ATP7A: variants seen among roughly 807,000 people sequenced by gnomAD.
The protein encoded by ATP7A is ATPase copper transporting alpha, also known as copper-transporting ATPase 1.
In ATP7A, 7 loss-of-function variants were observed where a neutral mutation model predicts 83.5. That is an observed-to-expected ratio of 0.08 (90% CI 0.05 to 0.16). The LOEUF is 0.16. Ranked by LOEUF, ATP7A falls within the 10% of genes least tolerant of loss-of-function variation. ATP7A has a pLI of 1.00. For missense variants in ATP7A, 940 were observed against 1,120.8 expected (o/e 0.84, Z 2.30); for synonymous variants, 354 against 395.2 (o/e 0.90, Z 1.24).
rs1201761024 is a variant in ATP7A, at chrX:78,049,765, A to C, written c.*3195A>C. 1 of 112,488 alleles carries C rather than the reference A, an allele frequency of 8.9e-6. No individual in the cohort carries two copies. The highest frequency in any genetic ancestry group is 1.9e-5 in the Non-Finnish European group (1 of 53,232). The allele number at this position is 112,488 out of a possible 1,213,427, so 9.3% of individuals were successfully genotyped here. A position where few individuals can be genotyped will look rare whatever the true frequency, so the allele number is the denominator to read the frequency against. ...GATGTTTCCAAAACTTTAAGTGCGC[A>C]TATCTTTTCTGTATACAGCTTAAAA... On this transcript the variant is annotated 3_prime_UTR_variant, in exon 23 of 23. Transcript: ENST00000341514.
At chrX:78,032,420 A>G (rs781897466) in intron 16 of ATP7A, among the ~76,000 whole-genome samples, 2 of 112,117 alleles carry the variant, frequency 1.8e-5, no homozygotes, top group Non-Finnish European at 3.8e-5. Flanking sequence ...ACCAATATAC[A>G]TGAGGGGTTA....
intron 13 of ATP7A, 75 bp from the exon 14 acceptor site, chrX:78,020,870 A>G (rs2077900818): frequency 1.9e-6 from 2 of 1,032,299 alleles, no homozygotes; most frequent in Non-Finnish European, 2.7e-6. Context: ...ACTACTAAAT[A>G]TACTCTGCAT....
chrX:78,014,697 A>G lies in ATP7A; in HGVS notation c.2442A>G (p.Ser814=), dbSNP rs781953495. The G allele has an allele frequency of 2.5e-6, 3 of 1,209,186 alleles. No individual in the cohort carries two copies. In the South Asian group the frequency reaches 5.3e-5, roughly 21 times the overall value. ...CAGAGGCTCTTGCAAAGTTAATTTC[A>G]CTACAAGCTACAGAAGCAACTATTG... is the stretch of plus-strand genomic sequence containing the variant. The part of the protein sequence containing the change: ...KTSEALAKLI[S]LQATEATIVT... Residue 814 remains serine, a synonymous_variant, in exon 11 of 23, where the codon TCA becomes TCG. Coordinates refer to ENST00000341514, the MANE Select transcript of ATP7A (RefSeq NM_000052.7).
chrX:77,943,569 A>T (rs2077362768), intron 1 of ATP7A, among the ~76,000 whole-genome samples: 1 of 112,344 alleles, frequency 8.9e-6, no homozygotes, highest in South Asian at 3.6e-4. Context: ...TGAATAATAA[A>T]GTAATACATG....
intron 14 of ATP7A, among the ~76,000 whole-genome samples, chrX:78,025,498 G>A (rs2077936845): frequency 9.0e-6 from 1 of 111,402 alleles, no homozygotes; most frequent in East Asian, 2.8e-4. Flanking sequence ...TTCAGGATAT[G>A]CAAGACGAGG....
intron 17 of ATP7A, among the ~76,000 whole-genome samples, chrX:78,036,409 A>C (rs1227590376): frequency 3.6e-5 from 4 of 111,209 alleles, no homozygotes; most frequent in African/African-American, 9.8e-5. Context: ...CAAAGCCTTT[A>C]GTCAGGAGTG....
intron 2 of ATP7A, among the ~76,000 whole-genome samples, chrX:77,973,924 C>G (rs2077562485): frequency 9.0e-6 from 1 of 111,337 alleles, no homozygotes; most frequent in East Asian, 2.8e-4. Flanking sequence ...AGTTTCTGTA[C>G]ATATTTTGTT....
rs181072116 is a variant in ATP7A at position 77,968,341 on chromosome X, G to A, written c.-21-3280G>A. On this transcript the variant is annotated intron_variant, in intron 1 of 22. Coordinates refer to ENST00000341514, the MANE Select transcript of ATP7A (RefSeq NM_000052.7). ...AATAAAAGTAAATATAACACATAAC[G>A]AAATTCAGGATTGATCCCAACCTAG... 7.1e-5 allele frequency among the ~76,000 whole-genome samples: 8 copies of A among 111,945 alleles called. No individual in the cohort carries two copies. In the East Asian group the frequency reaches 2.2e-3, roughly 31 times the overall value.
At chrX:77,942,456 G>C (rs782630762) in intron 1 of ATP7A, among the ~76,000 whole-genome samples, 106 of 109,036 alleles carry the variant, frequency 9.7e-4, no homozygotes, top group South Asian at 1.6e-3. Flanking sequence ...TTTGCGGGGG[G>C]GGTAGGGGAG....
At chrX:77,980,355 G>C (rs1395842153) in intron 2 of ATP7A, among the ~76,000 whole-genome samples, 2 of 110,445 alleles carry the variant, frequency 1.8e-5, no homozygotes, top group Non-Finnish European at 3.8e-5. Flanking sequence ...GGCCAAGGCA[G>C]AATTGCTTGA....
chrX:77,976,744 C>G (rs2077578656), intron 2 of ATP7A, among the ~76,000 whole-genome samples: 1 of 112,494 alleles, frequency 8.9e-6, no homozygotes, highest in African/African-American at 3.2e-5. Flanking sequence ...TTAGCTAAGA[C>G]TATGTTGATA....
At chrX:77,956,707 T>A (rs2077442538) in intron 1 of ATP7A, among the ~76,000 whole-genome samples, 1 of 107,858 alleles carries the variant, frequency 9.3e-6, no homozygotes, top group Admixed American at 9.9e-5. Flanking sequence ...ACCTTTTTTC[T>A]TTATCAATTA....
intron 1 of ATP7A, among the ~76,000 whole-genome samples, chrX:77,941,719 T>C (rs2077352174): frequency 8.9e-6 from 1 of 112,184 alleles, no homozygotes; most frequent in Non-Finnish European, 1.9e-5. Flanking sequence ...TAGAGTATAG[T>C]TCATGAGTGA....
At chrX:77,968,245 C>T (rs1156930914) in intron 1 of ATP7A, among the ~76,000 whole-genome samples, 2 of 111,096 alleles carry the variant, frequency 1.8e-5, no homozygotes, top group Non-Finnish European at 3.8e-5. Context: ...ACATGTGGGA[C>T]TATTTCAACC....
At chrX:78,033,191 G>T (rs1004919795) in intron 16 of ATP7A, among the ~76,000 whole-genome samples, 14 of 111,824 alleles carry the variant, frequency 1.3e-4, no homozygotes, top group Admixed American at 3.8e-4. Context: ...TGCAACTTCC[G>T]TCTCCTGAGT....
intron 1 of ATP7A, chrX:77,969,716 A>T: frequency 8.9e-7 from 1 of 1,123,862 alleles, no homozygotes; most frequent in Non-Finnish European, 1.2e-6. Context: ...TCTTTTTCCC[A>T]CCCTTATTCC....
In ATP7A at chrX:78,009,171, C is replaced by G. The variant is rs2149093524; in HGVS notation, c.1777C>G (p.Leu593Val). Residue 593 changes from leucine (L) to valine (V), a missense_variant, in exon 7 of 23, where the codon CTA becomes GTA. This residue lies in a region of ATP7A where 204 missense variants were observed against 185.8 expected (regional missense o/e 1.10). Transcript: ENST00000341514. ...TAGTCTCACAAAACACAGAGGGATC[C>G]TATACTGCTCCGTGGCCCTGGCAAC... Reference protein sequence around the residue: ...ESSLTKHRGILYCSVALATNK... With the variant: ...ESSLTKHRGIVYCSVALATNK... The G allele has an allele frequency of 3.3e-6, 4 of 1,209,234 alleles. No individual in the cohort carries two copies. Among genetic ancestry groups the G allele is most frequent in the Non-Finnish European group, 4.5e-6 (4 of 893,465 alleles).
chrX:78,010,570 CTTTTTTTTTTTTTT>C (rs5902761), intron 7 of ATP7A, among the ~76,000 whole-genome samples: 1 of 51,589 alleles, frequency 1.9e-5, no homozygotes, highest in African/African-American at 9.0e-5. Context: ...ATGGTGCTAG[CTTTTTTTTTTTTTT>C]TTTTTTTTTT....
At chrX:78,017,968 G>A (rs1439210690) in intron 12 of ATP7A, among the ~76,000 whole-genome samples, 5 of 104,935 alleles carry the variant, frequency 4.8e-5, no homozygotes, top group African/African-American at 1.7e-4. Flanking sequence ...ATTAGAGACG[G>A]GGTTTCACCA....
Sources: gnomAD v4.1 joint callset for allele counts (sites outside exome capture counted in the v4.1 genomes callset) on GRCh38, gnomAD v4.1.1 for gene constraint, gnomAD v4.1.1 regional missense constraint, MANE v1.5 for transcripts, NCBI Gene and HGNC (gene_info 2026-07-23, HGNC 2026-07-21) for gene names.